SH3KBP1: variants seen among roughly 807,000 people sequenced by gnomAD.
SH3KBP1 encodes SH3 domain-containing kinase-binding protein 1.
SH3KBP1 carries 8 observed loss-of-function variants against 50.1 expected under a neutral mutation model. That is an observed-to-expected ratio of 0.16 (90% CI 0.09 to 0.29). SH3KBP1 has a LOEUF of 0.29. Ranked by LOEUF, SH3KBP1 falls within the 10% of genes least tolerant of loss-of-function variation. The probability of loss-of-function intolerance (pLI) is 1.00; values close to 1 mark genes in which losing one functional copy is unlikely to be tolerated. For synonymous variants in SH3KBP1, 227 were observed against 218.6 expected (o/e 1.04, Z -0.34); for missense variants, 377 against 535.2 (o/e 0.70, Z 2.92).
At chrX:19,653,872 C>T (rs2062203003) in intron 6 of SH3KBP1, among the ~76,000 whole-genome samples, 1 of 107,425 alleles carries the variant, frequency 9.3e-6, no homozygotes, top group South Asian at 4.3e-4. Flanking sequence ...CCAGGGTTTA[C>T]TTCTGATTGC....
chrX:19,773,698 T>C (rs1398190040), intron 2 of SH3KBP1, among the ~76,000 whole-genome samples: 26 of 105,916 alleles, frequency 2.5e-4, no homozygotes, highest in African/African-American at 7.3e-4. Flanking sequence ...CTACTAAAAA[T>C]ACAAAAAATT....
At chrX:19,762,927 G>T (rs886125157) in intron 2 of SH3KBP1, among the ~76,000 whole-genome samples, 7 of 112,129 alleles carry the variant, frequency 6.2e-5, no homozygotes, top group African/African-American at 2.3e-4. Flanking sequence ...TGGTATCTGG[G>T]ATATACCTTT....
intron 2 of SH3KBP1, among the ~76,000 whole-genome samples, chrX:19,760,402 ATACATAC>A (rs1345824218): frequency 0.046 from 2,751 of 59,634 alleles, 104 homozygotes; most frequent in African/African-American, 0.12. Context: ...AAATAAATAC[ATACATAC>A]ATACATACAT....
At chrX:19,635,328 C>G (rs754790857) in intron 7 of SH3KBP1, among the ~76,000 whole-genome samples, 2 of 108,902 alleles carry the variant, frequency 1.8e-5, no homozygotes, top group East Asian at 5.7e-4. Flanking sequence ...GACAGAAAAC[C>G]AAGCACCGCA....
intron 2 of SH3KBP1, among the ~76,000 whole-genome samples, chrX:19,759,983 A>C (rs1471634100): frequency 1.9e-5 from 2 of 106,887 alleles, no homozygotes; most frequent in African/African-American, 7.0e-5. Flanking sequence ...ATAAGGAGCT[A>C]GGACCATAAC....
chrX:19,626,001 A>G (rs1268658744), intron 8 of SH3KBP1, among the ~76,000 whole-genome samples: 1 of 111,279 alleles, frequency 9.0e-6, no homozygotes, highest in Non-Finnish European at 1.9e-5. Context: ...GCATGGTCCC[A>G]CCTAATTCCC....
chrX:19,544,095 G>C (rs2065018915), intron 15 of SH3KBP1, among the ~76,000 whole-genome samples: 1 of 111,019 alleles, frequency 9.0e-6, no homozygotes, highest in South Asian at 3.8e-4. Flanking sequence ...GCAGAGTCTG[G>C]ATTCAGGCTG....
intron 12 of SH3KBP1, among the ~76,000 whole-genome samples, chrX:19,583,521 C>A (rs2066447741): frequency 9.0e-6 from 1 of 110,723 alleles, no homozygotes; most frequent in African/African-American, 3.3e-5. Flanking sequence ...TGTTGAAATT[C>A]CACATGAACT....
chrX:19,774,140 ACT>A (rs754241275), intron 2 of SH3KBP1, among the ~76,000 whole-genome samples: 10 of 106,592 alleles, frequency 9.4e-5, no homozygotes, highest in Non-Finnish European at 1.8e-4. Flanking sequence ...TGGCTCAAAA[ACT>A]CTCCCAGCCC....
chrX:19,584,643 T>G (rs2066504592), intron 12 of SH3KBP1, among the ~76,000 whole-genome samples: 1 of 111,090 alleles, frequency 9.0e-6, no homozygotes, highest in Admixed American at 9.7e-5. Flanking sequence ...CTGTAATACG[T>G]TTTTTGTTAA....
intron 8 of SH3KBP1, among the ~76,000 whole-genome samples, chrX:19,628,666 A>T (rs1010759677): frequency 8.9e-6 from 1 of 111,917 alleles, no homozygotes; most frequent in African/African-American, 3.2e-5. Flanking sequence ...CAGGTTGTAT[A>T]AAAAAATAAT....
At chrX:19,803,059 A>T (rs1255229619) in intron 2 of SH3KBP1, among the ~76,000 whole-genome samples, 1 of 110,890 alleles carries the variant, frequency 9.0e-6, no homozygotes, top group Non-Finnish European at 1.9e-5. Context: ...GGCAGCTTGC[A>T]CTGGCAGCTT....
chrX:19,872,833 T>TCACACACA (rs774471891), intron 1 of SH3KBP1, among the ~76,000 whole-genome samples: 5 of 96,506 alleles, frequency 5.2e-5, no homozygotes, highest in African/African-American at 1.2e-4. Flanking sequence ...TCTCTCTCTC[T>TCACACACA]CACACACACA....
At chrX:19,770,510 C>T (rs952367408) in intron 2 of SH3KBP1, among the ~76,000 whole-genome samples, 2 of 111,460 alleles carry the variant, frequency 1.8e-5, no homozygotes, top group African/African-American at 3.3e-5. Context: ...CATACTTGTG[C>T]GTGTGTCTTT....
chrX:19,692,689 A>ATATT (rs1556257878), intron 5 of SH3KBP1, among the ~76,000 whole-genome samples: 15 of 75,052 alleles, frequency 2.0e-4, no homozygotes, highest in African/African-American at 7.7e-4. Context: ...ATATATATAT[A>ATATT]TTTTTTTTTT....
At chrX:19,842,356 T>A (rs375065448) in intron 1 of SH3KBP1, among the ~76,000 whole-genome samples, 1 of 110,649 alleles carries the variant, frequency 9.0e-6, no homozygotes, top group Non-Finnish European at 1.9e-5. Flanking sequence ...TGAAACCCTG[T>A]CTCTACTAAA....
At chrX:19,752,007 C>T (rs1391897746) in intron 2 of SH3KBP1, among the ~76,000 whole-genome samples, 1 of 112,555 alleles carries the variant, frequency 8.9e-6, no homozygotes, top group Non-Finnish European at 1.9e-5. Context: ...TTTACAGGTA[C>T]TGGTGAGTTG....
At chrX:19,803,013 C>T (rs187724844) in intron 2 of SH3KBP1, among the ~76,000 whole-genome samples, 1 of 111,139 alleles carries the variant, frequency 9.0e-6, no homozygotes, top group African/African-American at 3.3e-5. Flanking sequence ...CACCCACCTT[C>T]CTCCAGCGAC....
intron 2 of SH3KBP1, among the ~76,000 whole-genome samples, chrX:19,767,531 G>T (rs1301456041): frequency 1.8e-5 from 2 of 111,301 alleles, no homozygotes; most frequent in Admixed American, 1.9e-4. Context: ...TAAAGAAGCA[G>T]CTCGTATTTA....
Sources: allele counts gnomAD v4.1 joint callset (sites outside exome capture counted in the v4.1 genomes callset), GRCh38; gene constraint gnomAD v4.1.1; transcripts MANE v1.5; gene names NCBI Gene and HGNC (gene_info 2026-07-23, HGNC 2026-07-21).